Variants in SLC38A9 observed in about 807,000 individuals in gnomAD.
SLC38A9 encodes solute carrier family 38 member 9, also known as neutral amino acid transporter 9.
A neutral mutation model predicts 62.3 loss-of-function variants in SLC38A9; 48 were observed. That is an observed-to-expected ratio of 0.77 (90% CI 0.61 to 0.98). The LOEUF (loss-of-function observed/expected upper bound fraction) is 0.98. Ranked by LOEUF, SLC38A9 falls within the 50% of genes least tolerant of loss-of-function variation. The pLI, the probability that SLC38A9 is intolerant of heterozygous loss-of-function variation, is 0.00. For synonymous variants in SLC38A9, 204 were observed against 227.7 expected (o/e 0.90, Z 0.94); for missense variants, 541 against 679.8 (o/e 0.80, Z 2.27).
At chr5:55,690,748 A>T (rs1754613848) in intron 3 of SLC38A9, among the ~76,000 whole-genome samples, 1 of 89,024 alleles carries the variant, frequency 1.1e-5, no homozygotes, top group African/African-American at 3.5e-5. Context: ...GCCTTAGTAA[A>T]TATCATTGTA....
Position 55,652,226 on chromosome 5 carries a change from C to T in SLC38A9, c.952+303G>A, listed in dbSNP as rs541599719. On this transcript the variant is annotated intron_variant, in intron 10 of 15. Transcript: ENST00000396865. ...ATACAAAATTAGCTGGGTGTGGTGG[C>T]GCATACCTGTAATCCCAGCTACTTG... Among the ~76,000 whole-genome samples, 49 of 151,092 alleles carry T rather than the reference C, an allele frequency of 3.2e-4. 1 individual carries two copies. Among genetic ancestry groups the T allele is most frequent in the Admixed American group, 2.7e-3 (41 of 15,148 alleles).
intron 3 of SLC38A9, among the ~76,000 whole-genome samples, chr5:55,679,071 A>C (rs559924643): frequency 7.1e-6 from 1 of 140,540 alleles, no homozygotes; most frequent in East Asian, 2.0e-4. Context: ...CAATAAATCA[A>C]ATTTAAAGTT....
intron 3 of SLC38A9, among the ~76,000 whole-genome samples, chr5:55,681,702 A>T (rs4493629): frequency 2.0e-5 from 3 of 151,912 alleles, no homozygotes; most frequent in South Asian, 2.1e-4. Context: ...ACAAGGCAAG[A>T]GGTATCCCTA....
At chr5:55,655,400 T>G (rs938818493) in intron 9 of SLC38A9, among the ~76,000 whole-genome samples, 1 of 152,300 alleles carries the variant, frequency 6.6e-6, no homozygotes, top group East Asian at 1.9e-4. Flanking sequence ...TCAATTAATA[T>G]CAGAATAGGT....
At chr5:55,689,500 T>C (rs1754424120) in intron 3 of SLC38A9, among the ~76,000 whole-genome samples, 1 of 152,252 alleles carries the variant, frequency 6.6e-6, no homozygotes, top group South Asian at 2.1e-4. Flanking sequence ...TCTCTTGTTA[T>C]ATACTTGCAA....
At chr5:55,698,073 A>C (rs970154799) in intron 2 of SLC38A9, 81 bp from the exon 3 acceptor site, 2 of 574,036 alleles carry the variant, frequency 3.5e-6, no homozygotes. Flanking sequence ...TGAATAACAA[A>C]TTGGAAAAAT....
At chr5:55,709,913 C>A (rs112917350) in intron 2 of SLC38A9, among the ~76,000 whole-genome samples, 5,832 of 150,890 alleles carry the variant, frequency 0.039, 149 homozygotes, top group African/African-American at 0.082. Context: ...AAAACACACA[C>A]AAAAAATTAG....
intron 3 of SLC38A9, among the ~76,000 whole-genome samples, chr5:55,690,257 G>T (rs1010689553): frequency 2.0e-5 from 3 of 152,068 alleles, no homozygotes; most frequent in Admixed American, 1.3e-4. Context: ...CTCCCAAAGT[G>T]CTGGGATTAC....
chr5:55,700,793 C>G lies in SLC38A9; in HGVS notation c.-34-2801G>C, dbSNP rs1313144746. On this transcript the variant is annotated intron_variant, in intron 2 of 15. Coordinates refer to ENST00000396865, the MANE Select transcript of SLC38A9 (RefSeq NM_173514.4). ...TACTTGACCTATTGGAAATATTTGCCAAAAGAATCACTTTCCTCCTTGACA... is the reference window on the plus strand; with the variant it reads ...TACTTGACCTATTGGAAATATTTGCGAAAAGAATCACTTTCCTCCTTGACA... Among the ~76,000 whole-genome samples, 2 of 152,142 alleles carry G rather than the reference C, an allele frequency of 1.3e-5. 1 individual carries two copies. The highest frequency in any genetic ancestry group is 1.3e-4 in the Admixed American group (2 of 15,282).
intron 11 of SLC38A9, among the ~76,000 whole-genome samples, chr5:55,648,275 C>T (rs577171195): frequency 6.6e-6 from 1 of 152,162 alleles, no homozygotes; most frequent in Admixed American, 6.5e-5. Context: ...TTTTATTTAT[C>T]CATTTGTTAT....
intron 10 of SLC38A9, among the ~76,000 whole-genome samples, chr5:55,649,695 G>T (rs914607654): frequency 6.6e-6 from 1 of 152,090 alleles, no homozygotes; most frequent in Admixed American, 6.6e-5. Context: ...GGTGGCACAC[G>T]CCTATAATCA....
chr5:55,646,586 A>G (rs1746404494), intron 11 of SLC38A9, among the ~76,000 whole-genome samples: 1 of 152,182 alleles, frequency 6.6e-6, no homozygotes, highest in African/African-American at 2.4e-5. Flanking sequence ...TGACAAATCT[A>G]AAAAACATAA....
intron 3 of SLC38A9, among the ~76,000 whole-genome samples, chr5:55,695,260 G>A (rs1006639161): frequency 2.2e-5 from 3 of 138,982 alleles, no homozygotes; most frequent in Non-Finnish European, 4.7e-5. Context: ...ACACATTCAT[G>A]TTAAGACCAT....
At chr5:55,682,347 T>C (rs1753144860) in intron 3 of SLC38A9, among the ~76,000 whole-genome samples, 2 of 152,148 alleles carry the variant, frequency 1.3e-5, no homozygotes, top group Non-Finnish European at 2.9e-5. Context: ...AGGCACCTGG[T>C]CATCAATATT....
At chr5:55,654,986 C>T (rs943335807) in intron 9 of SLC38A9, among the ~76,000 whole-genome samples, 8 of 152,076 alleles carry the variant, frequency 5.3e-5, no homozygotes, top group African/African-American at 1.7e-4. Context: ...TACAGGTGCA[C>T]GCCACTATGG....
At chr5:55,689,936 T>C (rs1754488485) in intron 3 of SLC38A9, among the ~76,000 whole-genome samples, 1 of 151,424 alleles carries the variant, frequency 6.6e-6, no homozygotes, top group South Asian at 2.1e-4. Flanking sequence ...AGTAAACAAA[T>C]AGTAAAATCA....
At chr5:55,631,240 A>T (rs1036590488) in intron 14 of SLC38A9, among the ~76,000 whole-genome samples, 1 of 152,210 alleles carries the variant, frequency 6.6e-6, no homozygotes, top group Non-Finnish European at 1.5e-5. Flanking sequence ...CATTTTTAAG[A>T]GCATAAAGGG....
At chr5:55,696,398 A>G (rs1376452824) in intron 3 of SLC38A9, 11 of 31,238 alleles carry the variant, frequency 3.5e-4, no homozygotes, top group Non-Finnish European at 8.2e-4. Context: ...CGGGGGGCTG[A>G]CCCCCCCACC....
At chr5:55,662,133 T>C (rs1416448126) in intron 8 of SLC38A9, among the ~76,000 whole-genome samples, 4 of 152,134 alleles carry the variant, frequency 2.6e-5, no homozygotes, top group African/African-American at 7.2e-5. Flanking sequence ...CAGAAATGTG[T>C]CTATAAGGTC....
Sources: gnomAD v4.1 joint callset for allele counts (sites outside exome capture counted in the v4.1 genomes callset) on GRCh38, gnomAD v4.1.1 for gene constraint, MANE v1.5 for transcripts, NCBI Gene and HGNC (gene_info 2026-07-23, HGNC 2026-07-21) for gene names.